The following PRKAG1 variants were observed in gnomAD, a reference collection of about 807,000 sequenced individuals.
PRKAG1 encodes the protein 5'-AMP-activated protein kinase subunit gamma-1.
PRKAG1 carries 27 observed loss-of-function variants against 48.2 expected under a neutral mutation model. That is an observed-to-expected ratio of 0.56 (90% CI 0.41 to 0.77). The LOEUF (loss-of-function observed/expected upper bound fraction) is 0.77, where lower values mean the gene tolerates loss of function less well. Ranked by LOEUF, PRKAG1 falls within the 30% of genes least tolerant of loss-of-function variation. PRKAG1 has a pLI of 0.00. For missense variants in PRKAG1, 287 were observed against 398.3 expected (o/e 0.72, Z 2.38); for synonymous variants, 130 against 147.7 (o/e 0.88, Z 0.87).
chr12:49,004,643 G>A lies in PRKAG1; in HGVS notation c.411-10C>T. 1.2e-6 allele frequency: 2 copies of A among 1,613,964 alleles called. No individual in the cohort carries two copies. The highest frequency in any genetic ancestry group is 1.7e-6 in the Non-Finnish European group (2 of 1,179,960). On this transcript the variant is annotated splice_polypyrimidine_tract_variant and intron_variant, in intron 7 of 11. Transcript: ENST00000548065. ...GACAGCATCAAACAAGCTGTGAGAG[G>A]GTGGGAGATAATAAGTTCCACAGTG...
chr12:49,007,286 CAA>C (rs143240191), intron 2 of PRKAG1, among the ~76,000 whole-genome samples: 52,174 of 111,932 alleles, frequency 0.47, 9,012 homozygotes, highest in South Asian at 0.52. Context: ...GACTCCGTCT[CAA>C]AAAAAAAAAA....
In PRKAG1 at chr12:49,003,017, G is replaced by A; in HGVS notation, c.889-11C>T. 2 of 1,613,708 alleles carry A rather than the reference G, an allele frequency of 1.2e-6. No homozygotes were observed. The highest frequency in any genetic ancestry group is 1.7e-6 in the Non-Finnish European group (2 of 1,179,688). On this transcript the variant is annotated splice_polypyrimidine_tract_variant and intron_variant, in intron 11 of 11. Coordinates refer to ENST00000548065, the MANE Select transcript of PRKAG1 (RefSeq NM_002733.5). ...TACAAGTCGGTGAACCTGGCACAGA[G>A]CAACAAGGGAGAAAGGGAATGTTTA...
intron 11 of PRKAG1, 45 bp from the exon 12 acceptor site, chr12:49,003,051 C>A: frequency 6.2e-7 from 1 of 1,612,552 alleles, no homozygotes. Context: ...TAGTGCTGGC[C>A]TCAGGGGAAG....
rs1453999540 is a variant in PRKAG1, at chr12:49,003,852, T to C, written c.608A>G (p.Asn203Ser). ...LEELQIGTYANIAMVRTTTPV... is the reference protein window; with the variant it reads ...LEELQIGTYASIAMVRTTTPV... ...GGTGGTAGTGCGAACCATAGCAATA[T>C]TGGCATAGGTGCCAATCTGTAGCTC... Residue 203 changes from asparagine (N) to serine (S), a missense_variant, in exon 9 of 12, where the codon AAT (asparagine) becomes AGT (serine). Transcript: ENST00000548065. 6.2e-7 allele frequency: 1 copy of C among 1,614,078 alleles called. No individual in the cohort carries two copies. The highest frequency in any genetic ancestry group is 8.5e-7 in the Non-Finnish European group (1 of 1,179,980).
chr12:49,017,152 C>G (rs1268508317), intron 1 of PRKAG1: 1 of 455,898 alleles, frequency 2.2e-6, no homozygotes, highest in Non-Finnish European at 4.4e-6. Context: ...CTGGCTTGCC[C>G]TCACCATCAC....
chr12:49,013,229 G>GC, intron 1 of PRKAG1, 119 bp from the exon 2 acceptor site: 4 of 870,482 alleles, frequency 4.6e-6, no homozygotes, highest in South Asian at 1.5e-5. Flanking sequence ...TAAAGCCACT[G>GC]CCCCCGCCAA....
intron 1 of PRKAG1, chr12:49,017,276 C>T (rs184306897): frequency 1.6e-5 from 7 of 450,686 alleles, no homozygotes; most frequent in African/African-American, 1.0e-4. Flanking sequence ...TCTCAGCTCA[C>T]TCCAGCCTCC....
chr12:49,010,361 G>A (rs955001855), intron 2 of PRKAG1, among the ~76,000 whole-genome samples: 1 of 152,208 alleles, frequency 6.6e-6, no homozygotes, highest in African/African-American at 2.4e-5. Flanking sequence ...TTCCCTTCAA[G>A]AGGATTCTGG....
In PRKAG1 at chr12:49,018,769, G is replaced by A. The variant is rs754708979; in HGVS notation, c.-29C>T. 7 of 1,612,300 alleles carry A rather than the reference G, an allele frequency of 4.3e-6. No individual in the cohort carries two copies. Among genetic ancestry groups the A allele is most frequent in the East Asian group, 2.2e-5 (1 of 44,880 alleles). The stretch of plus-strand genomic sequence containing the variant: ...AAGAGGCGCCCGGCTTGGTTTCCTC[G>A]CTTTAGGAAACTCTCTTGGGGCAGG... On this transcript the variant is annotated 5_prime_UTR_variant, in exon 1 of 12. Coordinates refer to ENST00000548065, the MANE Select transcript of PRKAG1 (RefSeq NM_002733.5).
intron 7 of PRKAG1, 100 bp downstream of exon 7, chr12:49,004,859 GTGTCT>G (rs1941465983): frequency 1.9e-6 from 2 of 1,047,284 alleles, no homozygotes; most frequent in East Asian, 4.7e-5. Flanking sequence ...GTGTGTGTGT[GTGTCT>G]TTTCTCTCTT....
rs1361563208 is a variant in PRKAG1, at chr12:49,004,562, C to T, written c.482G>A (p.Gly161Asp). 1 of 1,613,942 alleles carries T rather than the reference C, an allele frequency of 6.2e-7. No homozygotes were observed. The highest frequency in any genetic ancestry group is 8.5e-7 in the Non-Finnish European group (1 of 1,180,004). The change falls in exon 8 of 12, where the codon GGC becomes GAC. Residue 161 changes from glycine to aspartate, a missense_variant. By Grantham distance (94) the Gly-to-Asp change is moderately conservative. This residue lies in a region of PRKAG1 where 224 missense variants were observed against 344.3 expected (regional missense o/e 0.65). Transcript: ENST00000548065. ...HRLPVIDPES[G>D]NTLYILTHKR... ...GTGGGTGAGGATGTACAAAGTATTG[C>T]CTGATTCTGGGTCAATAACTGGCAG...
At chr12:49,004,810 A>T (rs1592271998) in intron 7 of PRKAG1, 154 bp downstream of exon 7, 8 of 1,127,366 alleles carry the variant, frequency 7.1e-6, no homozygotes, top group South Asian at 5.8e-5. Context: ...AGAGAGAGAG[A>T]GACTGTGTGT....
At position 49,018,751 on chromosome 12, in the gene PRKAG1, G is replaced by T. The variant is rs774831698; in HGVS notation, c.-11C>A. 3.1e-6 allele frequency: 5 copies of T among 1,612,634 alleles called. No individual in the cohort carries two copies. The South Asian group carries it at 3.3e-5, about 11-fold the overall frequency. On this transcript the variant is annotated 5_prime_UTR_variant, in exon 1 of 12. Transcript: ENST00000548065. Reference sequence around the variant, plus strand: ...CCTCACCGTCTCCATTGCAAGAGGCGCCCGGCTTGGTTTCCTCGCTTTAGG... The same window carrying T: ...CCTCACCGTCTCCATTGCAAGAGGCTCCCGGCTTGGTTTCCTCGCTTTAGG...
chr12:49,004,808 A>ACT (rs1743579146), intron 7 of PRKAG1, 156 bp downstream of exon 7: 3 of 1,202,210 alleles, frequency 2.5e-6, no homozygotes, highest in Admixed American at 2.1e-5. Context: ...AGAGAGAGAG[A>ACT]GAGACTGTGT....
rs1043847623 is a variant in PRKAG1 at position 49,002,901 on chromosome 12, A to G, written c.994T>C (p.Ter332ArgextTer26). The G allele has an allele frequency of 6.2e-7, 1 of 1,613,674 alleles. No homozygotes were observed. The highest frequency in any genetic ancestry group is 1.7e-5 in the Admixed American group (1 of 60,016). The stretch of plus-strand genomic sequence containing the variant: ...GCTGCATGACCCCTTCCCCCAGCTC[A>G]GGGCTTCTTCTCTCCACCTGTGAGC... ...LVLTGGEKKP* is the reference protein window; with the variant it reads ...LVLTGGEKKPR Residue 332 changes from the stop codon to arginine (R), a stop_lost, in exon 12 of 12, where the codon TGA becomes CGA. Coordinates refer to ENST00000548065, the MANE Select transcript of PRKAG1 (RefSeq NM_002733.5).
chr12:49,014,466 G>C, intron 1 of PRKAG1, among the ~76,000 whole-genome samples: 1 of 152,204 alleles, frequency 6.6e-6, no homozygotes, highest in East Asian at 1.9e-4. Flanking sequence ...GGAAGCCAGA[G>C]AGACAGCATT....
chr12:49,003,427 A>G, intron 10 of PRKAG1, 131 bp downstream of exon 10: 1 of 1,529,980 alleles, frequency 6.5e-7, no homozygotes, highest in African/African-American at 1.4e-5. Context: ...TTCCTTTTCA[A>G]ATAGGATTTG....
intron 1 of PRKAG1, among the ~76,000 whole-genome samples, chr12:49,015,636 G>A (rs901682750): frequency 3.3e-5 from 5 of 152,222 alleles, no homozygotes; most frequent in South Asian, 2.1e-4. Flanking sequence ...GCAGTGATGC[G>A]ATCTTGGCTC....
intron 1 of PRKAG1, chr12:49,018,517 C>T: frequency 1.4e-6 from 2 of 1,426,774 alleles, no homozygotes; most frequent in Non-Finnish European, 1.8e-6. Flanking sequence ...CTAAGGGTAC[C>T]GCGTACGGAA....
Sources: gnomAD v4.1 joint callset for allele counts (sites outside exome capture counted in the v4.1 genomes callset) on GRCh38, gnomAD v4.1.1 for gene constraint, gnomAD v4.1.1 regional missense constraint, MANE v1.5 for transcripts, NCBI Gene and HGNC (gene_info 2026-07-23, HGNC 2026-07-21) for gene names.